SHROOM2: variants seen among roughly 807,000 people sequenced by gnomAD.
SHROOM2 encodes shroom family member 2, also known as protein Shroom2.
A neutral mutation model predicts 75.9 loss-of-function variants in SHROOM2; 33 were observed. The ratio of observed to expected loss-of-function variants is 0.43; its 90% CI spans 0.33 to 0.58. The LOEUF is 0.58. Among genes scored for constraint, SHROOM2 ranks in the 20% least tolerant of loss-of-function variants. SHROOM2 has a pLI of 0.04. For synonymous variants in SHROOM2, 655 were observed against 663.6 expected, an observed-to-expected ratio of 0.99 and a Z score of 0.20; for missense variants, 1,434 against 1,461.2, an observed-to-expected ratio of 0.98 and a Z score of 0.30.
intron 5 of SHROOM2, among the ~76,000 whole-genome samples, chrX:9,919,084 T>A (rs997479198): frequency 3.6e-5 from 4 of 111,652 alleles, no homozygotes; most frequent in Admixed American, 2.9e-4. Context: ...GTTGACTCAG[T>A]GAGCTTTTGC....
At chrX:9,821,963 A>G (rs1190527111) in intron 1 of SHROOM2, among the ~76,000 whole-genome samples, 1 of 112,545 alleles carries the variant, frequency 8.9e-6, no homozygotes, top group Non-Finnish European at 1.9e-5. Context: ...ATTTAAAAAA[A>G]GGAAATGGGT....
chrX:9,861,567 G>A (rs2084103933), intron 1 of SHROOM2, among the ~76,000 whole-genome samples: 1 of 112,261 alleles, frequency 8.9e-6, no homozygotes, highest in Non-Finnish European at 1.9e-5. Context: ...GAGCAGCATA[G>A]CCTAGGTTCC....
At chrX:9,792,074 TAGAA>T (rs2083659370) in intron 1 of SHROOM2, among the ~76,000 whole-genome samples, 1 of 9,096 alleles carries the variant, frequency 1.1e-4, no homozygotes, top group African/African-American at 3.2e-4. Flanking sequence ...TAGAATAGAA[TAGAA>T]TAGAATAGAA....
chrX:9,878,573 T>C (rs2084213762), intron 2 of SHROOM2, among the ~76,000 whole-genome samples: 1 of 112,293 alleles, frequency 8.9e-6, no homozygotes, highest in Non-Finnish European at 1.9e-5. Flanking sequence ...GCCCACATTG[T>C]GCTGTGCCCC....
At chrX:9,835,360 C>T (rs1441348460) in intron 1 of SHROOM2, among the ~76,000 whole-genome samples, 2 of 112,135 alleles carry the variant, frequency 1.8e-5, no homozygotes, top group African/African-American at 3.2e-5. Context: ...TTTAATGTTT[C>T]GAGCCTTGCT....
At chrX:9,898,101 C>T in intron 4 of SHROOM2, 89 bp from the exon 5 acceptor site, 2 of 793,328 alleles carry the variant, frequency 2.5e-6, no homozygotes, top group South Asian at 2.2e-5. Flanking sequence ...CCTGGCAAGG[C>T]AAACCCACAA....
chrX:9,885,932 G>C (rs1241175840), intron 2 of SHROOM2, among the ~76,000 whole-genome samples: 1 of 98,397 alleles, frequency 1.0e-5, no homozygotes, highest in African/African-American at 4.0e-5. Context: ...CAGCCTGGGT[G>C]GCAGAGGGAG....
At chrX:9,934,326 G>C (rs1035085250) in intron 6 of SHROOM2, among the ~76,000 whole-genome samples, 1 of 111,115 alleles carries the variant, frequency 9.0e-6, no homozygotes. Context: ...TTTTTTCTTA[G>C]CTTCTAAATA....
chrX:9,886,213 A>G (rs532426739), intron 2 of SHROOM2, among the ~76,000 whole-genome samples: 5 of 111,585 alleles, frequency 4.5e-5, no homozygotes, highest in African/African-American at 1.3e-4. Context: ...GCCTCCGACA[A>G]CTCCCACCCA....
chrX:9,931,211 T>G (rs2084645302), intron 5 of SHROOM2, among the ~76,000 whole-genome samples: 1 of 110,561 alleles, frequency 9.0e-6, no homozygotes, highest in African/African-American at 3.3e-5. Flanking sequence ...CAGCCTCCTC[T>G]AAGCTGAGAG....
At chrX:9,926,075 G>A (rs2084591374) in intron 5 of SHROOM2, among the ~76,000 whole-genome samples, 1 of 111,744 alleles carries the variant, frequency 8.9e-6, no homozygotes, top group Admixed American at 9.5e-5. Context: ...CAGGTGCCTG[G>A]CTCATAGGAA....
At chrX:9,821,777 G>A (rs748942164) in intron 1 of SHROOM2, among the ~76,000 whole-genome samples, 1 of 111,883 alleles carries the variant, frequency 8.9e-6, no homozygotes, top group Admixed American at 9.5e-5. Flanking sequence ...TTACCGGGGC[G>A]GAGTGCAGAG....
At chrX:9,912,376 G>C (rs2084437382) in intron 5 of SHROOM2, 1 of 111,576 alleles carries the variant, frequency 9.0e-6, no homozygotes, top group Non-Finnish European at 1.9e-5. Flanking sequence ...GATGGGAAAT[G>C]CAAGCGGAGC....
intron 1 of SHROOM2, among the ~76,000 whole-genome samples, chrX:9,854,704 T>TGG (rs201221347): frequency 1.8e-5 from 2 of 110,985 alleles, no homozygotes; most frequent in African/African-American, 6.6e-5. Context: ...AATCACAGCT[T>TGG]GGGGGGCAGG....
Position 9,928,655 on chromosome X carries a change from C to G in SHROOM2, c.2892-3520C>G, listed in dbSNP as rs1489003235. On this transcript the variant is annotated intron_variant, in intron 5 of 9. Transcript: ENST00000380913. ...TCCACACAGACACAACACAGGCACACATACCCACACACGCATACAACGCAC... is the reference window on the plus strand; with the variant it reads ...TCCACACAGACACAACACAGGCACAGATACCCACACACGCATACAACGCAC... Among the ~76,000 whole-genome samples, 3 of 111,491 alleles carry G rather than the reference C, an allele frequency of 2.7e-5. No homozygotes were observed. The East Asian group carries it at 8.4e-4, about 31-fold the overall frequency.
intron 1 of SHROOM2, among the ~76,000 whole-genome samples, chrX:9,839,500 C>T (rs1260097303): frequency 1.8e-5 from 2 of 111,376 alleles, no homozygotes; most frequent in Admixed American, 1.9e-4. Flanking sequence ...ATCACACATG[C>T]GCCCCCTTGC....
At chrX:9,945,602 T>G (rs1239694611) in intron 9 of SHROOM2, among the ~76,000 whole-genome samples, 2 of 112,172 alleles carry the variant, frequency 1.8e-5, no homozygotes, top group Non-Finnish European at 3.8e-5. Context: ...TTTACTTTTC[T>G]TTTACCATGT....
intron 5 of SHROOM2, among the ~76,000 whole-genome samples, chrX:9,918,957 T>C (rs1479455326): frequency 2.7e-5 from 3 of 112,161 alleles, no homozygotes; most frequent in African/African-American, 9.7e-5. Flanking sequence ...TAAATGTGAA[T>C]GGCTGAGGAG....
chrX:9,827,709 A>T (rs760385187), intron 1 of SHROOM2, among the ~76,000 whole-genome samples: 1 of 109,651 alleles, frequency 9.1e-6, no homozygotes, highest in African/African-American at 3.3e-5. Context: ...CAGGGAGACC[A>T]ATAGACCCAA....
Sources: gnomAD v4.1 joint callset for allele counts (sites outside exome capture counted in the v4.1 genomes callset) on GRCh38, gnomAD v4.1.1 for gene constraint, MANE v1.5 for transcripts, NCBI Gene and HGNC (gene_info 2026-07-23, HGNC 2026-07-21) for gene names.